Variants in LRP6 observed in about 807,000 individuals in gnomAD.
LRP6 encodes the protein low-density lipoprotein receptor-related protein 6.
A neutral mutation model predicts 184.1 loss-of-function variants in LRP6; 43 were observed. The observed-to-expected ratio is 0.23, with a 90% CI of 0.18 to 0.30. LRP6 has a LOEUF of 0.30. Ranked by LOEUF, LRP6 falls within the 10% of genes least tolerant of loss-of-function variation. LRP6 has a pLI of 1.00. For synonymous variants in LRP6, 719 were observed against 684.9 expected (o/e 1.05, Z -0.78); for missense variants, 1,571 against 2,005.3 (o/e 0.78, Z 4.14).
intron 3 of LRP6, among the ~76,000 whole-genome samples, chr12:12,199,988 AAAAAAAAC>A (rs1863872162): frequency 6.7e-6 from 1 of 150,030 alleles, no homozygotes; most frequent in African/African-American, 2.5e-5. Flanking sequence ...AAAAAAAAAA[AAAAAAAAC>A]ACAAGGCTCT....
At chr12:12,156,390 CAA>C (rs772621198) in intron 12 of LRP6, among the ~76,000 whole-genome samples, 16 of 151,992 alleles carry the variant, frequency 1.1e-4, no homozygotes, top group Non-Finnish European at 1.9e-4. Flanking sequence ...GCAAGAGAGA[CAA>C]GAGTAAAAGC....
chr12:12,174,391 G>A (rs188129939), intron 7 of LRP6, among the ~76,000 whole-genome samples: 10 of 152,232 alleles, frequency 6.6e-5, no homozygotes, highest in African/African-American at 1.9e-4. Context: ...GATTACAGGC[G>A]TGAGCCACCG....
intron 9 of LRP6, among the ~76,000 whole-genome samples, chr12:12,163,990 C>A (rs946876927): frequency 6.6e-6 from 1 of 152,040 alleles, no homozygotes; most frequent in East Asian, 1.9e-4. Flanking sequence ...ATTAGCTGGG[C>A]GTCGTGGCAC....
chr12:12,170,415 T>C (rs113510485), intron 7 of LRP6, among the ~76,000 whole-genome samples: 3 of 152,140 alleles, frequency 2.0e-5, no homozygotes, highest in South Asian at 2.1e-4. Flanking sequence ...TCTCAACCTG[T>C]AATCAATATT....
intron 15 of LRP6, among the ~76,000 whole-genome samples, chr12:12,143,162 A>C (rs896353516): frequency 6.6e-6 from 1 of 152,230 alleles, no homozygotes; most frequent in African/African-American, 2.4e-5. Context: ...AATAGTCTTT[A>C]CCACTAGCGT....
intron 1 of LRP6, among the ~76,000 whole-genome samples, chr12:12,255,782 G>A (rs923774664): frequency 2.0e-5 from 3 of 151,854 alleles, no homozygotes; most frequent in East Asian, 1.9e-4. Flanking sequence ...TGTTGTCCAG[G>A]CTGGTCTCAA....
chr12:12,205,020 A>G (rs1215003130), intron 2 of LRP6, among the ~76,000 whole-genome samples: 2 of 151,828 alleles, frequency 1.3e-5, no homozygotes, highest in Admixed American at 1.3e-4. Context: ...ACTTCTCTTA[A>G]AAGCATATTT....
chr12:12,126,883 C>T lies in LRP6; in HGVS notation c.4120G>A (p.Val1374Ile), dbSNP rs373718225. The T allele has an allele frequency of 1.2e-3, 1,937 of 1,614,136 alleles. 43 individuals are homozygous for T. In the South Asian group the frequency reaches 0.02, roughly 16 times the overall value. ...ACAATTACGCCAATAACAGAACCAA[C>T]TGTATTGGTGGCCTGTGGTGCTGGT... is the stretch of plus-strand genomic sequence containing the variant. ...EEPAPQATNT[V>I]GSVIGVIVTI... Residue 1374 changes from valine (V) to isoleucine (I), a missense_variant, in exon 20 of 23, where the codon GTT (valine) becomes ATT (isoleucine). By Grantham distance (29) the Val-to-Ile change is conservative. Transcript: ENST00000261349.
chr12:12,186,152 G>C (rs1409239085), intron 4 of LRP6, among the ~76,000 whole-genome samples: 2 of 152,084 alleles, frequency 1.3e-5, no homozygotes, highest in East Asian at 3.9e-4. Flanking sequence ...TGGCCCAAGA[G>C]TTTGTTTTTT....
At chr12:12,151,585 C>T (rs1401041398) in intron 12 of LRP6, among the ~76,000 whole-genome samples, 3 of 152,052 alleles carry the variant, frequency 2.0e-5, no homozygotes, top group Non-Finnish European at 4.4e-5. Context: ...AAATAAAAGT[C>T]ATAGTCATCT....
chr12:12,164,149 G>T, intron 9 of LRP6, 124 bp downstream of exon 9: 4 of 799,712 alleles, frequency 5.0e-6, no homozygotes, highest in South Asian at 1.7e-5. Flanking sequence ...AAAAAAACTT[G>T]AGGGTTTTTG....
At chr12:12,202,026 G>T (rs1024404415) in intron 3 of LRP6, among the ~76,000 whole-genome samples, 2 of 152,120 alleles carry the variant, frequency 1.3e-5, no homozygotes, top group African/African-American at 4.8e-5. Flanking sequence ...CTCTCATCTG[G>T]TGAGGTCTCA....
intron 1 of LRP6, chr12:12,249,403 ACCT>A: frequency 1.2e-6 from 1 of 853,896 alleles, no homozygotes; most frequent in South Asian, 1.3e-5. Context: ...TCCCTCAGCC[ACCT>A]CAAGGACAGT....
intron 3 of LRP6, among the ~76,000 whole-genome samples, chr12:12,188,688 T>G (rs1331360911): frequency 6.6e-6 from 1 of 152,246 alleles, no homozygotes; most frequent in Non-Finnish European, 1.5e-5. Flanking sequence ...CTCTCTTCCC[T>G]AAGTAAAAAG....
chr12:12,215,911 T>C (rs889137305), intron 2 of LRP6, among the ~76,000 whole-genome samples: 15 of 151,646 alleles, frequency 9.9e-5, no homozygotes, highest in African/African-American at 2.2e-4. Flanking sequence ...ACTTGGGAAG[T>C]TGAAGCAGGA....
intron 2 of LRP6, among the ~76,000 whole-genome samples, chr12:12,240,044 A>G (rs934442725): frequency 3.3e-5 from 5 of 151,450 alleles, no homozygotes; most frequent in Non-Finnish European, 7.4e-5. Context: ...GTACACACAC[A>G]CACACAAAGA....
At chr12:12,264,262 T>C (rs1865701083) in intron 1 of LRP6, among the ~76,000 whole-genome samples, 1 of 152,150 alleles carries the variant, frequency 6.6e-6, no homozygotes, top group African/African-American at 2.4e-5. Context: ...AGGTACTCCA[T>C]ATTATTTCAT....
chr12:12,160,473 C>T (rs1412869570), intron 10 of LRP6, among the ~76,000 whole-genome samples: 1 of 152,116 alleles, frequency 6.6e-6, no homozygotes, highest in Non-Finnish European at 1.5e-5. Flanking sequence ...AAGCCTTTAA[C>T]TGAAGTCAAA....
intron 7 of LRP6, among the ~76,000 whole-genome samples, chr12:12,177,205 T>C (rs938124360): frequency 1.3e-5 from 2 of 152,098 alleles, no homozygotes; most frequent in Non-Finnish European, 2.9e-5. Flanking sequence ...CATAATCTGA[T>C]ACTCTGTTAT....
Sources: allele counts gnomAD v4.1 joint callset (sites outside exome capture counted in the v4.1 genomes callset), GRCh38; gene constraint gnomAD v4.1.1; transcripts MANE v1.5; gene names NCBI Gene and HGNC (gene_info 2026-07-23, HGNC 2026-07-21).